Variants in FGF12 observed in about 807,000 individuals in gnomAD.
FGF12 encodes fibroblast growth factor 12.
FGF12 carries 14 observed loss-of-function variants against 23.6 expected under a neutral mutation model. The ratio of observed to expected loss-of-function variants is 0.59; its 90% CI spans 0.39 to 0.93. The LOEUF (loss-of-function observed/expected upper bound fraction) is 0.93, where lower values mean the gene tolerates loss of function less well. Ranked by LOEUF, FGF12 falls within the 40% of genes least tolerant of loss-of-function variation. The probability of loss-of-function intolerance (pLI) is 0.00; values close to 1 mark genes in which losing one functional copy is unlikely to be tolerated. For missense variants in FGF12, 175 were observed against 217.8 expected, an observed-to-expected ratio of 0.80 and a Z score of 1.24; for synonymous variants, 62 against 77.3, an observed-to-expected ratio of 0.80 and a Z score of 1.04.
intron 2 of FGF12, among the ~76,000 whole-genome samples, chr3:192,475,932 A>G (rs779579919): frequency 2.0e-5 from 3 of 149,482 alleles, no homozygotes; most frequent in Non-Finnish European, 4.4e-5. Context: ...GATGATATAG[A>G]TAGATGATAG....
intron 2 of FGF12, among the ~76,000 whole-genome samples, chr3:192,567,738 TTTCTTTCTTTC>T (rs1214850026): frequency 2.2e-5 from 1 of 45,866 alleles, no homozygotes; most frequent in Admixed American, 2.1e-4. Flanking sequence ...CATGTGTCTC[TTTCTTTCTTTC>T]TTTCTTTCTT....
At chr3:192,654,172 A>AG (rs1211206523) in intron 2 of FGF12, among the ~76,000 whole-genome samples, 1 of 152,216 alleles carries the variant, frequency 6.6e-6, no homozygotes, top group Non-Finnish European at 1.5e-5. Flanking sequence ...GCTTGGAAGT[A>AG]GGCACAAAGG....
intron 4 of FGF12, among the ~76,000 whole-genome samples, chr3:192,214,924 A>C (rs935770686): frequency 1.3e-5 from 2 of 152,248 alleles, no homozygotes; most frequent in Admixed American, 6.5e-5. Context: ...CTCCTTAGGA[A>C]TGAATTTATT....
rs1396299359 is a variant in FGF12, at chr3:192,141,127, C to CAAAAAAAAAAAAAAAAAAAAAAAA, written c.*2881_*2882insTTTTTTTTTTTTTTTTTTTTTTTT. The CAAAAAAAAAAAAAAAAAAAAAAAA allele has an allele frequency of 3.5e-3, 77 of 21,854 alleles. 9 individuals are homozygous for CAAAAAAAAAAAAAAAAAAAAAAAA. The highest frequency in any genetic ancestry group is 4.9e-3 in the Non-Finnish European group (64 of 13,034). 1.4% of individuals were successfully genotyped at this position (21,854 alleles called of 1,614,324 possible). On this transcript the variant is annotated 3_prime_UTR_variant, in exon 6 of 6. Transcript: ENST00000445105. The stretch of plus-strand genomic sequence containing the variant: ...TCCTGGGAAAAATCCCAATGCAACT[C>CAAAAAAAAAAAAAAAAAAAAAAAA]CAAAAAAAAAAAAAAAAAAAAAAAA...
intron 4 of FGF12, among the ~76,000 whole-genome samples, chr3:192,270,243 A>G (rs932842321): frequency 1.3e-5 from 2 of 152,206 alleles, no homozygotes; most frequent in African/African-American, 4.8e-5. Flanking sequence ...AATGAAAAGC[A>G]AAAGCATTTT....
chr3:192,204,960 G>T (rs1717573155), intron 4 of FGF12, among the ~76,000 whole-genome samples: 1 of 152,054 alleles, frequency 6.6e-6, no homozygotes, highest in Admixed American at 6.6e-5. Context: ...GAAGAAGTAT[G>T]CACAGCTCTG....
At chr3:192,616,028 T>G (rs1714742671) in intron 2 of FGF12, among the ~76,000 whole-genome samples, 1 of 152,020 alleles carries the variant, frequency 6.6e-6, no homozygotes, top group South Asian at 2.1e-4. Flanking sequence ...TTATTAGTTT[T>G]ATGCTTACAA....
intron 2 of FGF12, among the ~76,000 whole-genome samples, chr3:192,633,362 A>G (rs1198206780): frequency 2.0e-5 from 3 of 152,158 alleles, no homozygotes; most frequent in African/African-American, 4.8e-5. Context: ...CGTCTTATCA[A>G]TCATTGGATT....
chr3:192,219,226 A>G (rs1718349465), intron 4 of FGF12, among the ~76,000 whole-genome samples: 1 of 152,162 alleles, frequency 6.6e-6, no homozygotes, highest in African/African-American at 2.4e-5. Flanking sequence ...CTAGGACTAC[A>G]GGCACTTGCC....
At chr3:192,429,486 A>G (rs527367483) in intron 2 of FGF12, among the ~76,000 whole-genome samples, 2 of 152,198 alleles carry the variant, frequency 1.3e-5, no homozygotes, top group South Asian at 2.1e-4. Flanking sequence ...TCTCCTTTGC[A>G]TAAAGTATTG....
chr3:192,687,507 T>C (rs1399641523), intron 2 of FGF12, among the ~76,000 whole-genome samples: 1 of 152,102 alleles, frequency 6.6e-6, no homozygotes, highest in Non-Finnish European at 1.5e-5. Context: ...GGAGAGGTAG[T>C]CAAAGTCAGA....
At chr3:192,306,832 C>A (rs1038232142) in intron 4 of FGF12, among the ~76,000 whole-genome samples, 1 of 152,184 alleles carries the variant, frequency 6.6e-6, no homozygotes, top group African/African-American at 2.4e-5. Context: ...AAGGTCCAGC[C>A]TGTCCAAATC....
intron 2 of FGF12, among the ~76,000 whole-genome samples, chr3:192,432,477 G>T (rs552642002): frequency 1.3e-5 from 2 of 152,222 alleles, no homozygotes; most frequent in Admixed American, 6.5e-5. Flanking sequence ...TCTCTGGATT[G>T]TGTTGTGTAA....
intron 2 of FGF12, among the ~76,000 whole-genome samples, chr3:192,435,892 G>T (rs1722008712): frequency 6.6e-6 from 1 of 152,068 alleles, no homozygotes; most frequent in Admixed American, 6.6e-5. Flanking sequence ...AATAACATTT[G>T]CTTAACCAGC....
chr3:192,448,325 T>C (rs1279346487), intron 2 of FGF12, among the ~76,000 whole-genome samples: 2 of 152,222 alleles, frequency 1.3e-5, no homozygotes, highest in Non-Finnish European at 2.9e-5. Context: ...TTCTGCACTC[T>C]GCAAAAAATT....
At chr3:192,312,701 C>T (rs1032525217) in intron 4 of FGF12, among the ~76,000 whole-genome samples, 3 of 150,678 alleles carry the variant, frequency 2.0e-5, no homozygotes, top group African/African-American at 7.3e-5. Context: ...GAGCCGAGAT[C>T]GCACAACTGC....
chr3:192,542,629 C>T (rs1287347945), intron 2 of FGF12, among the ~76,000 whole-genome samples: 5 of 151,134 alleles, frequency 3.3e-5, no homozygotes, highest in South Asian at 4.2e-4. Flanking sequence ...TTTTTTTTTC[C>T]ACCTGTCCTT....
intron 4 of FGF12, among the ~76,000 whole-genome samples, chr3:192,228,080 C>T (rs953512594): frequency 1.6e-4 from 24 of 151,876 alleles, no homozygotes; most frequent in African/African-American, 5.3e-4. Context: ...TGATCTATTG[C>T]CCACCATGGT....
chr3:192,397,567 T>G (rs1720577808), intron 2 of FGF12, among the ~76,000 whole-genome samples: 1 of 152,242 alleles, frequency 6.6e-6, no homozygotes, highest in Admixed American at 6.5e-5. Context: ...CGCTCCTCAG[T>G]GAGAAACTTG....
Sources: gnomAD v4.1 joint callset for allele counts (sites outside exome capture counted in the v4.1 genomes callset) on GRCh38, gnomAD v4.1.1 for gene constraint, MANE v1.5 for transcripts, NCBI Gene and HGNC (gene_info 2026-07-23, HGNC 2026-07-21) for gene names.